The following SUMF1 variants were observed in gnomAD, a reference collection of about 807,000 sequenced individuals.
The protein encoded by SUMF1 is formylglycine-generating enzyme.
SUMF1 carries 48 observed loss-of-function variants against 47.6 expected under a neutral mutation model. The ratio of observed to expected loss-of-function variants is 1.01; its 90% CI spans 0.80 to 1.28. The LOEUF (loss-of-function observed/expected upper bound fraction) is 1.28, where lower values mean the gene tolerates loss of function less well. Ranked by LOEUF, SUMF1 falls within the 50% of genes most tolerant of loss-of-function variation. SUMF1 has a pLI of 0.00. For missense variants in SUMF1, 571 were observed against 485.4 expected, an observed-to-expected ratio of 1.18 and a Z score of -1.66; for synonymous variants, 230 against 192.1, an observed-to-expected ratio of 1.20 and a Z score of -1.63.
chr3:4,230,396 C>A (rs1048482455), intron 8 of SUMF1, among the ~76,000 whole-genome samples: 1 of 152,062 alleles, frequency 6.6e-6, no homozygotes, highest in Non-Finnish European at 1.5e-5. Flanking sequence ...TCCTACAACC[C>A]ACCTTTCTGT....
intron 8 of SUMF1, among the ~76,000 whole-genome samples, chr3:4,255,384 GAC>G (rs1696926560): frequency 1.0e-5 from 1 of 97,374 alleles, no homozygotes; most frequent in African/African-American, 4.2e-5. Flanking sequence ...CATGTGCAGA[GAC>G]ACACATAGGC....
chr3:4,263,701 C>G (rs556476476), intron 8 of SUMF1, among the ~76,000 whole-genome samples: 1 of 152,180 alleles, frequency 6.6e-6, no homozygotes, highest in African/African-American at 2.4e-5. Context: ...ACCACATTTT[C>G]TAGGAAATAT....
chr3:4,081,082 A>G (rs1326912051), intron 8 of SUMF1, among the ~76,000 whole-genome samples: 1 of 152,180 alleles, frequency 6.6e-6, no homozygotes, highest in Admixed American at 6.5e-5. Context: ...ACAAAGGTGA[A>G]TTCAAGCCTC....
intron 8 of SUMF1, among the ~76,000 whole-genome samples, chr3:4,324,232 G>A (rs1266560182): frequency 6.6e-6 from 1 of 151,472 alleles, no homozygotes; most frequent in Non-Finnish European, 1.5e-5. Flanking sequence ...AAAAAAAAAT[G>A]TCAAAGACCT....
intron 7 of SUMF1, among the ~76,000 whole-genome samples, chr3:4,392,974 T>C (rs1013128022): frequency 5.3e-5 from 8 of 152,142 alleles, no homozygotes; most frequent in Non-Finnish European, 8.8e-5. Flanking sequence ...GATTGAGAAA[T>C]GGCATTCAAA....
chr3:4,306,086 C>T (rs1211915713), intron 8 of SUMF1, among the ~76,000 whole-genome samples: 1 of 152,146 alleles, frequency 6.6e-6, no homozygotes, highest in African/African-American at 2.4e-5. Flanking sequence ...CAGAAAAACG[C>T]ACTCTACCCT....
rs1553563416 is a variant in SUMF1, at chr3:4,367,132, G to GTT, written c.1015-4879_1015-4878insAA. 3.8e-4 allele frequency among the ~76,000 whole-genome samples: 58 copies of GTT among 152,282 alleles called. No individual in the cohort carries two copies. The South Asian group carries it at 3.9e-3, about 10-fold the overall frequency. On this transcript the variant is annotated intron_variant, in intron 8 of 8. Transcript: ENST00000272902. ...TGAGGTGTCAGTCTGCCCCTACTGG[G>GTT]GGGGTGCCTCACAGTTAGGCTGCTC... is the stretch of plus-strand genomic sequence containing the variant.
intron 8 of SUMF1, among the ~76,000 whole-genome samples, chr3:4,215,500 T>TC (rs1307421376): frequency 6.6e-6 from 1 of 152,150 alleles, no homozygotes; most frequent in African/African-American, 2.4e-5. Flanking sequence ...AAGGATGCCC[T>TC]CTCTCACCAC....
At position 4,391,044 on chromosome 3, in the gene SUMF1, T is replaced by C. The variant is rs188814854; in HGVS notation, c.955-14655A>G. Among the ~76,000 whole-genome samples, 10 of 152,342 alleles carry C rather than the reference T, an allele frequency of 6.6e-5. No individual in the cohort carries two copies. In the East Asian group the frequency reaches 1.9e-3, roughly 29 times the overall value. On this transcript the variant is annotated intron_variant, in intron 7 of 8. Transcript: ENST00000272902. Reference sequence around the variant, plus strand: ...GTTCTCCTGGATATAGAATTCTTAGTTGACAGGTTTGTTTGTTTTCCTTTC... The same window carrying C: ...GTTCTCCTGGATATAGAATTCTTAGCTGACAGGTTTGTTTGTTTTCCTTTC...
At chr3:4,374,352 A>G (rs989142271) in intron 8 of SUMF1, among the ~76,000 whole-genome samples, 1 of 152,262 alleles carries the variant, frequency 6.6e-6, no homozygotes, top group Non-Finnish European at 1.5e-5. Context: ...CAAGATGAAC[A>G]TAAAAAATCA....
intron 8 of SUMF1, among the ~76,000 whole-genome samples, chr3:4,335,100 G>A (rs964167023): frequency 2.0e-5 from 3 of 152,084 alleles, no homozygotes; most frequent in African/African-American, 7.2e-5. Flanking sequence ...TGACATAAGA[G>A]GGGACCAGAA....
Position 4,408,046 on chromosome 3 carries a change from G to C in SUMF1, c.954+2819C>G, listed in dbSNP as rs574092423. Among the ~76,000 whole-genome samples, 10 of 152,276 alleles carry C rather than the reference G, an allele frequency of 6.6e-5. No individual in the cohort carries two copies. In the East Asian group the frequency reaches 1.7e-3, roughly 26 times the overall value. On this transcript the variant is annotated intron_variant, in intron 7 of 8. Coordinates refer to ENST00000272902, the MANE Select transcript of SUMF1 (RefSeq NM_182760.4). ...TAGAAGCAAAGGTAAATCCTTTCCA[G>C]AGACACATCACACTATCTAGATCTC...
chr3:4,446,861 A>G (rs1483820742), intron 3 of SUMF1, among the ~76,000 whole-genome samples: 1 of 152,226 alleles, frequency 6.6e-6, no homozygotes, highest in Non-Finnish European at 1.5e-5. Context: ...GAAGCAACAC[A>G]ATGAAAGGGA....
chr3:4,313,275 T>C, intron 8 of SUMF1: 1 of 1,613,962 alleles, frequency 6.2e-7, no homozygotes, highest in Non-Finnish European at 8.5e-7. Context: ...TCTCTGAAGT[T>C]CAGAGAAGAA....
intron 8 of SUMF1, among the ~76,000 whole-genome samples, chr3:4,139,568 A>ATGTG (rs370162925): frequency 0.37 from 56,159 of 150,114 alleles, 11,721 homozygotes; most frequent in Non-Finnish European, 0.48. Context: ...ATATATATGC[A>ATGTG]TGTGTGTGTG....
intron 9 of SUMF1, among the ~76,000 whole-genome samples, chr3:4,066,497 A>G (rs1695378597): frequency 6.6e-6 from 1 of 152,044 alleles, no homozygotes; most frequent in Admixed American, 6.6e-5. Context: ...TATCCGACAA[A>G]CTTTCCTTTC....
intron 7 of SUMF1, among the ~76,000 whole-genome samples, chr3:4,395,501 T>C (rs1334740887): frequency 6.6e-6 from 1 of 152,138 alleles, no homozygotes; most frequent in Non-Finnish European, 1.5e-5. Context: ...GAGGAAAAGG[T>C]GACGCCCAAA....
In SUMF1 at chr3:4,109,438, G is replaced by A. The variant is rs576719327; in HGVS notation, c.1015-40693C>T. ...TCTTCTCGAGGAGTATCTTTGTGGC[G>A]TTCTCTGTATTTCCTGAATTTGAAT... On this transcript the variant is annotated intron_variant and NMD_transcript_variant, in intron 8 of 12. Transcript: ENST00000448413. Among the ~76,000 whole-genome samples the A allele has an allele frequency of 2.9e-3, 436 of 152,010 alleles. 4 individuals carry two copies. Among genetic ancestry groups the A allele is most frequent in the African/African-American group, 9.3e-3 (385 of 41,424 alleles).
At chr3:4,113,020 C>G (rs755607601) in intron 8 of SUMF1, among the ~76,000 whole-genome samples, 3 of 151,996 alleles carry the variant, frequency 2.0e-5, no homozygotes, top group Non-Finnish European at 2.9e-5. Context: ...GTCCTCATCA[C>G]TCATTGAGAA....
Sources: gnomAD v4.1 joint callset for allele counts (sites outside exome capture counted in the v4.1 genomes callset) on GRCh38, gnomAD v4.1.1 for gene constraint, MANE v1.5 for transcripts, NCBI Gene and HGNC (gene_info 2026-07-23, HGNC 2026-07-21) for gene names.